CEP83: variants seen among roughly 807,000 people sequenced by gnomAD.
CEP83 encodes centrosomal protein 83.
Under a neutral mutation model 101.9 loss-of-function variants are expected in CEP83, and 70 were observed. That is an observed-to-expected ratio of 0.69 (90% CI 0.57 to 0.84). The LOEUF (loss-of-function observed/expected upper bound fraction) is 0.84. Among genes scored for constraint, CEP83 ranks in the 40% least tolerant of loss-of-function variants. The pLI, the probability that CEP83 is intolerant of heterozygous loss-of-function variation, is 0.00. For missense variants in CEP83, 715 were observed against 787.2 expected, an observed-to-expected ratio of 0.91 and a Z score of 1.10; for synonymous variants, 264 against 267.9, an observed-to-expected ratio of 0.99 and a Z score of 0.14.
At chr12:94,297,630 G>A in the CEP83 span, among the ~76,000 whole-genome samples, 1 of 152,128 alleles carries the variant, frequency 6.6e-6, no homozygotes, top group African/African-American at 2.4e-5. Flanking sequence ...GATTTGTACT[G>A]TAGTATCTTC....
chr12:94,445,877 G>A (rs2066763211), intron 1 of CEP83, among the ~76,000 whole-genome samples: 1 of 152,190 alleles, frequency 6.6e-6, no homozygotes, highest in South Asian at 2.1e-4. Flanking sequence ...GGTTGGTTCT[G>A]TGCCAGGATA....
rs745494199 is a variant in CEP83 at position 94,413,108 on chromosome 12, C to T, written c.-101-517G>A. 6.5e-4 allele frequency among the ~76,000 whole-genome samples: 99 copies of T among 152,346 alleles called. 1 individual carries two copies. Among genetic ancestry groups the T allele is most frequent in the Non-Finnish European group, 1.1e-3 (78 of 68,020 alleles). ...ACATCAGGCATTCTGCCTGCCTCGG[C>T]CTCCCAAAGTGCTGGGATTACAGGC... On this transcript the variant is annotated intron_variant, in intron 2 of 16. Transcript: ENST00000397809.
Position 94,446,722 on chromosome 12 carries a change from T to G in CEP83, c.-154-11395A>C, listed in dbSNP as rs376090179. Among the ~76,000 whole-genome samples, 12 of 151,420 alleles carry G rather than the reference T, an allele frequency of 7.9e-5. No homozygotes were observed. The South Asian group carries it at 1.0e-3, about 13-fold the overall frequency. On this transcript the variant is annotated intron_variant, in intron 1 of 16. Transcript: ENST00000397809. ...ACCCCACCTCAAAGAAAAAGAAAAA[T>G]AAAAAATAATGTTAAGTGACGACAT...
chr12:94,364,733 T>A (rs568095336), intron 11 of CEP83, among the ~76,000 whole-genome samples: 1 of 152,152 alleles, frequency 6.6e-6, no homozygotes, highest in Admixed American at 6.5e-5. Context: ...CAAGTATATA[T>A]GGAAATTTAA....
At chr12:94,394,793 C>A (rs1001449221) in intron 6 of CEP83, among the ~76,000 whole-genome samples, 6 of 152,130 alleles carry the variant, frequency 3.9e-5, no homozygotes, top group African/African-American at 1.4e-4. Flanking sequence ...CAAACAACTC[C>A]ATCAAAAAGT....
chr12:94,328,612 T>G (rs1313011135), intron 14 of CEP83, among the ~76,000 whole-genome samples: 1 of 152,236 alleles, frequency 6.6e-6, no homozygotes, highest in African/African-American at 2.4e-5. Flanking sequence ...ATTTATGTAA[T>G]CTGATAGCCA....
At chr12:94,294,451 T>C in the CEP83 span, 4 of 941,834 alleles carry the variant, frequency 4.2e-6, no homozygotes, top group Non-Finnish European at 6.7e-6. Flanking sequence ...CCATTAAATT[T>C]TGAACACTCA....
intron 14 of CEP83, among the ~76,000 whole-genome samples, chr12:94,317,450 G>A (rs1328543211): frequency 1.3e-5 from 2 of 152,100 alleles, no homozygotes; most frequent in African/African-American, 4.8e-5. Context: ...TGCTTTTGTC[G>A]TGATTGCTTT....
intron 1 of CEP83, among the ~76,000 whole-genome samples, chr12:94,445,250 C>A (rs901635310): frequency 5.0e-4 from 74 of 149,472 alleles, no homozygotes; most frequent in African/African-American, 1.8e-3. Flanking sequence ...AACAAATGGT[C>A]CTGGAACAAT....
At chr12:94,431,474 A>G (rs1290799271) in intron 2 of CEP83, among the ~76,000 whole-genome samples, 2 of 152,194 alleles carry the variant, frequency 1.3e-5, no homozygotes, top group Non-Finnish European at 2.9e-5. Flanking sequence ...GCTTCAACAC[A>G]GCAAAGGAAA....
intron 6 of CEP83, among the ~76,000 whole-genome samples, chr12:94,384,389 A>C (rs1467490614): frequency 6.6e-6 from 1 of 152,102 alleles, no homozygotes; most frequent in Non-Finnish European, 1.5e-5. Context: ...TTTAAACCTG[A>C]CTATGGTATC....
At chr12:94,286,953 G>A in the CEP83 span, among the ~76,000 whole-genome samples, 1 of 152,180 alleles carries the variant, frequency 6.6e-6, no homozygotes, top group South Asian at 2.1e-4. Flanking sequence ...AGCCCCCAGA[G>A]CCCCACATTG....
the CEP83 span, among the ~76,000 whole-genome samples, chr12:94,275,687 A>G: frequency 8.2e-6 from 1 of 121,414 alleles, no homozygotes; most frequent in African/African-American, 3.3e-5. Flanking sequence ...CCCCGTCTCT[A>G]CTAAAAAAAT....
intron 14 of CEP83, among the ~76,000 whole-genome samples, chr12:94,322,795 A>C (rs925589071): frequency 6.6e-6 from 1 of 152,194 alleles, no homozygotes; most frequent in Non-Finnish European, 1.5e-5. Context: ...AATGGCTAAG[A>C]ATGTGAAACA....
At chr12:94,457,140 T>C (rs1032711499) in intron 1 of CEP83, among the ~76,000 whole-genome samples, 2 of 151,944 alleles carry the variant, frequency 1.3e-5, no homozygotes, top group Non-Finnish European at 2.9e-5. Flanking sequence ...ACAGAGCAGG[T>C]TTAGGGGATA....
the CEP83 span, among the ~76,000 whole-genome samples, chr12:94,271,513 C>G: frequency 6.6e-6 from 1 of 152,192 alleles, no homozygotes; most frequent in Non-Finnish European, 1.5e-5. Flanking sequence ...GTTACATGTT[C>G]CCAGGCCGTG....
chr12:94,326,988 A>G (rs2058998227), intron 14 of CEP83, among the ~76,000 whole-genome samples: 1 of 152,106 alleles, frequency 6.6e-6, no homozygotes, highest in Non-Finnish European at 1.5e-5. Context: ...AAACTAATAT[A>G]GTGCCTGACT....
chr12:94,312,895 A>G lies in CEP83; in HGVS notation c.1811+19T>C. ...ATCAAAATAACCACATGGGGAAGATACACATACAAACACATTACCTATTTA... is the reference window on the plus strand; with the variant it reads ...ATCAAAATAACCACATGGGGAAGATGCACATACAAACACATTACCTATTTA... On this transcript the variant is annotated intron_variant, in intron 15 of 16. Transcript: ENST00000397809. 7.5e-7 allele frequency: 1 copy of G among 1,338,780 alleles called. No homozygotes were observed. Among genetic ancestry groups the G allele is most frequent in the South Asian group, 1.3e-5 (1 of 77,790 alleles). The allele number at this position is 1,338,780 out of a possible 1,614,324, so 82.9% of individuals were successfully genotyped here. A position where few individuals can be genotyped will look rare whatever the true frequency, so the allele number is the denominator to read the frequency against.
chr12:94,376,714 C>CACA (rs1566024871), intron 7 of CEP83, among the ~76,000 whole-genome samples: 1 of 122,582 alleles, frequency 8.2e-6, no homozygotes, highest in East Asian at 2.3e-4. Flanking sequence ...CACACACACA[C>CACA]ACACACACAC....
Sources: gnomAD v4.1 joint callset for allele counts (sites outside exome capture counted in the v4.1 genomes callset) on GRCh38, gnomAD v4.1.1 for gene constraint, MANE v1.5 for transcripts, NCBI Gene and HGNC (gene_info 2026-07-23, HGNC 2026-07-21) for gene names.